GNAI1: variants seen among roughly 807,000 people sequenced by gnomAD.
The protein encoded by GNAI1 is G protein subunit alpha i1.
In GNAI1, 11 loss-of-function variants were observed where a neutral mutation model predicts 38.9. That is an observed-to-expected ratio of 0.28 (90% confidence interval 0.18 to 0.47). The LOEUF (loss-of-function observed/expected upper bound fraction) is 0.47. Among genes scored for constraint, GNAI1 ranks in the 20% least tolerant of loss-of-function variants. The pLI, the probability that GNAI1 is intolerant of heterozygous loss-of-function variation, is 0.99. For synonymous variants in GNAI1, 166 were observed against 145.1 expected, an observed-to-expected ratio of 1.14 and a Z score of -1.04; for missense variants, 317 against 436.9, an observed-to-expected ratio of 0.73 and a Z score of 2.45.
At chr7:80,156,606 T>C (rs1178368300) in intron 1 of GNAI1, among the ~76,000 whole-genome samples, 1 of 152,052 alleles carries the variant, frequency 6.6e-6, no homozygotes, top group Non-Finnish European at 1.5e-5. Flanking sequence ...TTTTTTAATT[T>C]TTTATTTCGT....
chr7:80,135,424 G>A (rs1364273498), intron 1 of GNAI1, 146 bp downstream of exon 1: 14 of 475,596 alleles, frequency 2.9e-5, no homozygotes, highest in Non-Finnish European at 1.4e-5. Flanking sequence ...CGGTGCGGAG[G>A]CAAGGCGGGT....
chr7:80,212,692 T>G (rs777616597), intron 6 of GNAI1, 24 bp from the exon 7 acceptor site: 1 of 1,434,188 alleles, frequency 7.0e-7, no homozygotes, highest in Non-Finnish European at 9.2e-7. Context: ...TAGTGACGAT[T>G]GGTTTTATTT....
rs1002896592 is a variant in GNAI1 at position 80,225,695 on chromosome 7, A to G, written c.*8202A>G. ...TTACATGCATGTTTTGTTTTTTGAT[A>G]AAGACAGAAGATTGCAAATGGTTTG... On this transcript the variant is annotated 3_prime_UTR_variant, in exon 8 of 8. Transcript: ENST00000649796. Among the ~76,000 whole-genome samples, 1 of 152,216 alleles carries G rather than the reference A, an allele frequency of 6.6e-6. No homozygotes were observed. The highest frequency in any genetic ancestry group is 1.5e-5 in the Non-Finnish European group (1 of 68,032).
chr7:80,136,176 C>T (rs756060590), intron 1 of GNAI1: 11 of 384,436 alleles, frequency 2.9e-5, no homozygotes, highest in East Asian at 3.3e-4. Context: ...AAGAGTAAAC[C>T]AGGGTTTTCA....
At position 80,221,636 on chromosome 7, in the gene GNAI1, C is replaced by CTTT. The variant is rs71518978; in HGVS notation, c.*4166_*4168dup. Among the ~76,000 whole-genome samples, 396 of 94,302 alleles carry CTTT rather than the reference C, an allele frequency of 4.2e-3. 11 individuals carry two copies. The highest frequency in any genetic ancestry group is 5.4e-3 in the Non-Finnish European group (272 of 50,500). 61.9% of individuals were successfully genotyped at this position (94,302 alleles called of 152,430 possible). A position where few individuals can be genotyped will look rare whatever the true frequency, so the allele number is the denominator to read the frequency against. ...ATTTTAATGTTAGGTTGGAAATTTT[C>CTTT]TTTTTTTTTTTTTTTTTTTTTTTTT... On this transcript the variant is annotated 3_prime_UTR_variant, in exon 8 of 8. Transcript: ENST00000649796.
intron 3 of GNAI1, among the ~76,000 whole-genome samples, chr7:80,196,590 G>T (rs964198870): frequency 1.3e-5 from 2 of 151,976 alleles, no homozygotes; most frequent in African/African-American, 4.8e-5. Flanking sequence ...TCCCTAATTT[G>T]TATGATTGGG....
At chr7:80,203,042 C>T (rs1055119406) in intron 4 of GNAI1, among the ~76,000 whole-genome samples, 1 of 152,202 alleles carries the variant, frequency 6.6e-6, no homozygotes, top group East Asian at 1.9e-4. Flanking sequence ...TATAATTTGA[C>T]ACAAGATAAC....
At chr7:80,193,381 T>G (rs901074847) in intron 3 of GNAI1, among the ~76,000 whole-genome samples, 1 of 152,158 alleles carries the variant, frequency 6.6e-6, no homozygotes, top group Non-Finnish European at 1.5e-5. Flanking sequence ...AGTTACCAGA[T>G]TTTCAAAACA....
rs1787813280 is a variant in GNAI1 at position 80,156,061 on chromosome 7, AAAG to A, written c.118+20786_118+20788del. On this transcript the variant is annotated intron_variant, in intron 1 of 7. Coordinates refer to ENST00000649796, the MANE Select transcript of GNAI1 (RefSeq NM_002069.6). ...CTGTCTCAAAAAAAAAAAAAAAAAA[AAAG>A]AAAGAAAGCAAGCTGATGTACATAT... Among the ~76,000 whole-genome samples the A allele has an allele frequency of 3.3e-5, 5 of 151,264 alleles. No homozygotes were observed. In the South Asian group the frequency reaches 8.4e-4, roughly 25 times the overall value.
At chr7:80,162,815 T>C (rs1787947525) in intron 1 of GNAI1, among the ~76,000 whole-genome samples, 1 of 152,168 alleles carries the variant, frequency 6.6e-6, no homozygotes, top group African/African-American at 2.4e-5. Flanking sequence ...TGAGACATCC[T>C]GTGGGAAGAG....
In GNAI1 at chr7:80,225,416, A is replaced by C. The variant is rs923193396; in HGVS notation, c.*7923A>C. 2.6e-5 allele frequency among the ~76,000 whole-genome samples: 4 copies of C among 152,188 alleles called. No homozygotes were observed. The highest frequency in any genetic ancestry group is 9.7e-5 in the African/African-American group (4 of 41,440). On this transcript the variant is annotated 3_prime_UTR_variant, in exon 8 of 8. Transcript: ENST00000649796. ...AGACTCATCTCTTTAGTCTGCAGCC[A>C]AATCAAAAGATTAGTGGGGTTTTTT...
chr7:80,142,556 A>G (rs548731830), intron 1 of GNAI1, among the ~76,000 whole-genome samples: 2 of 152,328 alleles, frequency 1.3e-5, no homozygotes, highest in East Asian at 1.9e-4. Context: ...CCATCAGAGC[A>G]TGAATCTTGT....
intron 1 of GNAI1, among the ~76,000 whole-genome samples, chr7:80,160,938 A>T (rs889245823): frequency 1.3e-5 from 2 of 152,182 alleles, no homozygotes; most frequent in African/African-American, 4.8e-5. Flanking sequence ...CTTCTCCAGA[A>T]CACCAAATTT....
chr7:80,203,303 T>G (rs1387065197), intron 4 of GNAI1, among the ~76,000 whole-genome samples: 1 of 152,078 alleles, frequency 6.6e-6, no homozygotes, highest in Non-Finnish European at 1.5e-5. Context: ...TTAAAAATCT[T>G]CAGTAAAAAA....
chr7:80,164,055 T>TC lies in GNAI1; in HGVS notation c.119-24896_119-24895insC, dbSNP rs1175626961. Among the ~76,000 whole-genome samples, 4 of 146,592 alleles carry TC rather than the reference T, an allele frequency of 2.7e-5. 1 individual carries two copies. In the East Asian group the frequency reaches 7.9e-4, roughly 29 times the overall value. On this transcript the variant is annotated intron_variant, in intron 1 of 7. Transcript: ENST00000649796. ...TGGTGCTTTCTTTTTTTTTTTTTTTTTTTTTGTGGGGACTGAGTCTCTCTC... is the reference window on the plus strand; with the variant it reads ...TGGTGCTTTCTTTTTTTTTTTTTTTTCTTTTTGTGGGGACTGAGTCTCTCTC...
rs780668271 is a variant in GNAI1, at chr7:80,211,014, T to C, written c.636T>C (p.Ile212=). ...AGAGATCTGAGCGGAAGAAGTGGAT[T>C]CATTGCTTCGAAGGAGTGACGGCGA... is the stretch of plus-strand genomic sequence containing the variant. ...GGQRSERKKW[I]HCFEGVTAII... is the part of the protein sequence containing the mutation. Residue 212 remains isoleucine (I), a synonymous_variant, in exon 6 of 8, where the codon ATT becomes ATC. Coordinates refer to ENST00000649796, the MANE Select transcript of GNAI1 (RefSeq NM_002069.6). The C allele has an allele frequency of 6.2e-7, 1 of 1,612,608 alleles. No homozygotes were observed. The highest frequency in any genetic ancestry group is 8.5e-7 in the Non-Finnish European group (1 of 1,178,720).
At chr7:80,168,332 C>G (rs1788045812) in intron 1 of GNAI1, among the ~76,000 whole-genome samples, 1 of 152,158 alleles carries the variant, frequency 6.6e-6, no homozygotes. Context: ...ACATCTGATT[C>G]ACTTAAAAAT....
At chr7:80,165,515 G>T (rs1458859367) in intron 1 of GNAI1, among the ~76,000 whole-genome samples, 5 of 152,054 alleles carry the variant, frequency 3.3e-5, no homozygotes, top group African/African-American at 9.7e-5. Context: ...GCTTTATGTG[G>T]TATTTCAGTT....
intron 7 of GNAI1, among the ~76,000 whole-genome samples, chr7:80,213,713 G>A (rs1244591855): frequency 6.6e-6 from 1 of 151,864 alleles, no homozygotes; most frequent in Non-Finnish European, 1.5e-5. Flanking sequence ...ATTGAGTAAA[G>A]TTTTACTTTA....
Sources: allele counts gnomAD v4.1 joint callset (sites outside exome capture counted in the v4.1 genomes callset), GRCh38; gene constraint gnomAD v4.1.1; transcripts MANE v1.5; gene names NCBI Gene and HGNC (gene_info 2026-07-23, HGNC 2026-07-21).